TMPRSS11F: variants seen among roughly 807,000 people sequenced by gnomAD.
The protein encoded by TMPRSS11F is transmembrane protease serine 11F.
TMPRSS11F carries 47 observed loss-of-function variants against 60.2 expected under a neutral mutation model. That is an observed-to-expected ratio of 0.78 (90% CI 0.62 to 1.00). TMPRSS11F has a LOEUF of 1.00. Ranked by LOEUF, TMPRSS11F falls within the 50% of genes least tolerant of loss-of-function variation. The pLI, the probability that TMPRSS11F is intolerant of heterozygous loss-of-function variation, is 0.00. For synonymous variants in TMPRSS11F, 166 were observed against 167.3 expected (o/e 0.99, Z 0.06); for missense variants, 519 against 522.9 (o/e 0.99, Z 0.07).
chr4:68,106,959 A>T (rs1256326820), intron 1 of TMPRSS11F, among the ~76,000 whole-genome samples: 1 of 152,194 alleles, frequency 6.6e-6, no homozygotes, highest in African/African-American at 2.4e-5. Context: ...CACTATTACC[A>T]TCTTGGAAGC....
chr4:68,057,746 T>C (rs1356005368), intron 9 of TMPRSS11F, among the ~76,000 whole-genome samples: 3 of 152,144 alleles, frequency 2.0e-5, no homozygotes. Context: ...GACCATCACA[T>C]TCATGAAAAA....
At chr4:68,112,557 T>C (rs1724427803) in intron 1 of TMPRSS11F, among the ~76,000 whole-genome samples, 1 of 152,172 alleles carries the variant, frequency 6.6e-6, no homozygotes, top group African/African-American at 2.4e-5. Context: ...CAGTACAGCC[T>C]ATGTAGTGAG....
At chr4:68,075,787 G>T (rs188584142) in intron 3 of TMPRSS11F, among the ~76,000 whole-genome samples, 23 of 152,212 alleles carry the variant, frequency 1.5e-4, no homozygotes, top group African/African-American at 5.5e-4. Context: ...GAGGTCAGGA[G>T]ATCGAGACCA....
At chr4:68,064,565 C>T (rs1723280389) in intron 8 of TMPRSS11F, 120 bp downstream of exon 8, 4 of 1,179,566 alleles carry the variant, frequency 3.4e-6, no homozygotes, top group Non-Finnish European at 4.7e-6. Context: ...CTGCCCAAGG[C>T]CACACATACT....
At chr4:68,062,064 G>A (rs145177998) in intron 8 of TMPRSS11F, 321 of 451,960 alleles carry the variant, frequency 7.1e-4, no homozygotes, top group African/African-American at 5.8e-3. Flanking sequence ...TTCGCCATTA[G>A]ATATGACTTA....
At chr4:68,088,915 G>T (rs938073483) in intron 3 of TMPRSS11F, among the ~76,000 whole-genome samples, 1 of 151,918 alleles carries the variant, frequency 6.6e-6, no homozygotes, top group Non-Finnish European at 1.5e-5. Context: ...CAAAACAAAC[G>T]TTGTCTCATG....
chr4:68,056,093 T>G (rs146412587), intron 9 of TMPRSS11F, among the ~76,000 whole-genome samples: 1 of 152,276 alleles, frequency 6.6e-6, no homozygotes, highest in African/African-American at 2.4e-5. Context: ...GTGAAAAATC[T>G]AAAGTGTTTC....
rs547421131 is a variant in TMPRSS11F, at chr4:68,079,383, G to A, written c.283-5374C>T. The stretch of plus-strand genomic sequence containing the variant: ...ATATTTGAAGCAGATGTTAAAGTTG[G>A]TGGGAGACAGGCAGGTAGGAAGGTC... On this transcript the variant is annotated intron_variant, in intron 3 of 9. Coordinates refer to ENST00000356291, the MANE Select transcript of TMPRSS11F (RefSeq NM_207407.2). 5.3e-5 allele frequency among the ~76,000 whole-genome samples: 8 copies of A among 152,224 alleles called. No homozygotes were observed. The South Asian group carries it at 1.7e-3, about 32-fold the overall frequency.
chr4:68,054,016 C>G lies in TMPRSS11F; in HGVS notation c.1210G>C (p.Val404Leu), dbSNP rs1722992642. 1.2e-6 allele frequency: 2 copies of G among 1,613,474 alleles called. No individual in the cohort carries two copies. Residue 404 changes from valine to leucine, a missense_variant, in exon 10 of 10, where the codon GTA becomes CTA. Val to Leu is a conservative substitution (Grantham distance 32). Transcript: ENST00000356291. ...GATTGTCCCCAACTTACTATACCTACAATGTACCAGATGTCATGATTATCA... is the reference window on the plus strand; with the variant it reads ...GATTGTCCCCAACTTACTATACCTAGAATGTACCAGATGTCATGATTATCA... ...VYDNHDIWYI[V>L]GIVSWGQSCA... is the part of the protein sequence containing the mutation.
intron 8 of TMPRSS11F, among the ~76,000 whole-genome samples, chr4:68,060,988 G>A (rs1270446677): frequency 6.6e-6 from 1 of 151,732 alleles, no homozygotes; most frequent in African/African-American, 2.4e-5. Flanking sequence ...CTGGTAAATA[G>A]TATGTTTTTG....
chr4:68,125,196 T>G (rs549662397), intron 1 of TMPRSS11F, among the ~76,000 whole-genome samples: 58 of 151,630 alleles, frequency 3.8e-4, no homozygotes, highest in African/African-American at 1.3e-3. Flanking sequence ...TGTATATTTT[T>G]ATGTTATATT....
intron 1 of TMPRSS11F, among the ~76,000 whole-genome samples, chr4:68,121,495 T>G (rs1194522197): frequency 1.3e-5 from 2 of 152,324 alleles, no homozygotes; most frequent in South Asian, 4.1e-4. Context: ...GTAATACATT[T>G]GAATTTATAA....
At chr4:68,118,444 A>C (rs1327468652) in intron 1 of TMPRSS11F, among the ~76,000 whole-genome samples, 1 of 152,164 alleles carries the variant, frequency 6.6e-6, no homozygotes, top group Admixed American at 6.5e-5. Flanking sequence ...AACATTTTTA[A>C]AAAAATACTA....
chr4:68,123,908 T>C (rs1724667554), intron 1 of TMPRSS11F, among the ~76,000 whole-genome samples: 1 of 152,154 alleles, frequency 6.6e-6, no homozygotes, highest in African/African-American at 2.4e-5. Flanking sequence ...AAATAACTTA[T>C]ATTTAATCTA....
intron 1 of TMPRSS11F, among the ~76,000 whole-genome samples, chr4:68,120,905 A>C (rs1226372304): frequency 6.6e-6 from 1 of 152,218 alleles, no homozygotes; most frequent in Non-Finnish European, 1.5e-5. Context: ...TCATTAAGGT[A>C]TGTGCCTCTC....
chr4:68,102,080 T>C (rs1724203856), intron 1 of TMPRSS11F, among the ~76,000 whole-genome samples: 1 of 152,170 alleles, frequency 6.6e-6, no homozygotes, highest in Admixed American at 6.6e-5. Context: ...TGCAATATTT[T>C]TCTCTCTGTT....
chr4:68,089,274 G>T (rs1723877903), intron 3 of TMPRSS11F, among the ~76,000 whole-genome samples: 1 of 152,046 alleles, frequency 6.6e-6, no homozygotes, highest in South Asian at 2.1e-4. Context: ...CTTTTTCTTA[G>T]TAAAGGTACT....
chr4:68,054,981 C>A (rs1261489368), intron 9 of TMPRSS11F, among the ~76,000 whole-genome samples: 1 of 152,044 alleles, frequency 6.6e-6, no homozygotes, highest in Non-Finnish European at 1.5e-5. Context: ...GAAAGTTTCC[C>A]CTGATGAGTA....
At chr4:68,065,088 A>G (rs1420980418) in intron 7 of TMPRSS11F, 144 bp from the exon 8 acceptor site, 3 of 744,408 alleles carry the variant, frequency 4.0e-6, no homozygotes, top group African/African-American at 1.8e-5. Context: ...ACATAATAGG[A>G]AAAAAATTGT....
Sources: gnomAD v4.1 joint callset for allele counts (sites outside exome capture counted in the v4.1 genomes callset) on GRCh38, gnomAD v4.1.1 for gene constraint, MANE v1.5 for transcripts, NCBI Gene and HGNC (gene_info 2026-07-23, HGNC 2026-07-21) for gene names.